Variants in PRIM1 observed in about 807,000 individuals in gnomAD.
PRIM1 encodes DNA primase subunit 1, also known as DNA primase small subunit.
Under a neutral mutation model 60.2 loss-of-function variants are expected in PRIM1, and 38 were observed. That is an observed-to-expected ratio of 0.63 (90% CI 0.49 to 0.83). The LOEUF (loss-of-function observed/expected upper bound fraction) is 0.83, where lower values mean the gene tolerates loss of function less well. Ranked by LOEUF, PRIM1 falls within the 40% of genes least tolerant of loss-of-function variation. The pLI, the probability that PRIM1 is intolerant of heterozygous loss-of-function variation, is 0.00. For synonymous variants in PRIM1, 158 were observed against 160.2 expected (o/e 0.99, Z 0.10); for missense variants, 388 against 506.2 (o/e 0.77, Z 2.24).
At chr12:56,746,615 A>AG (rs961145536) in intron 4 of PRIM1, among the ~76,000 whole-genome samples, 166 bp downstream of exon 4, 13 of 147,580 alleles carry the variant, frequency 8.8e-5, no homozygotes, top group African/African-American at 3.3e-4. Flanking sequence ...TGGCTGACAG[A>AG]GTGAGACTCG....
intron 12 of PRIM1, 61 bp downstream of exon 12, chr12:56,734,086 T>C (rs1028958789): frequency 4.7e-5 from 55 of 1,181,266 alleles, no homozygotes; most frequent in Middle Eastern, 2.1e-4. Flanking sequence ...AACTCAAAAA[T>C]TGCTCATTTC....
rs1953786527 is a variant in PRIM1, at chr12:56,731,661, T to C, written c.*54A>G. 2 of 1,446,084 alleles carry C rather than the reference T, an allele frequency of 1.4e-6. No homozygotes were observed. Among genetic ancestry groups the C allele is most frequent in the Middle Eastern group, 2.3e-4 (1 of 4,408 alleles). The allele number at this position is 1,446,084 out of a possible 1,614,324, so 89.6% of individuals were successfully genotyped here. A position where few individuals can be genotyped will look rare whatever the true frequency, so the allele number is the denominator to read the frequency against. On this transcript the variant is annotated 3_prime_UTR_variant, in exon 13 of 13. Coordinates refer to ENST00000338193, the MANE Select transcript of PRIM1 (RefSeq NM_000946.3). The stretch of plus-strand genomic sequence containing the variant: ...ATTTATTAAATGGCTCTTGAAGTAT[T>C]TGATCTGTGGTTGAAGGCAGAAGAT...
At chr12:56,736,338 T>TTTTA (rs1953830679) in intron 11 of PRIM1, among the ~76,000 whole-genome samples, 1 of 113,724 alleles carries the variant, frequency 8.8e-6, no homozygotes, top group African/African-American at 3.8e-5. Flanking sequence ...GAATATACAA[T>TTTTA]TTTATTCATC....
chr12:56,748,688 G>A (rs1333689038), intron 2 of PRIM1, among the ~76,000 whole-genome samples: 4 of 151,588 alleles, frequency 2.6e-5, no homozygotes, highest in Admixed American at 2.0e-4. Flanking sequence ...GGGTGTGGTA[G>A]CTCATGCTTG....
chr12:56,732,643 A>G (rs1953792208), intron 12 of PRIM1, among the ~76,000 whole-genome samples: 1 of 152,004 alleles, frequency 6.6e-6, no homozygotes, highest in Non-Finnish European at 1.5e-5. Flanking sequence ...ATAGCCCATC[A>G]CTTCTGGACA....
intron 4 of PRIM1, among the ~76,000 whole-genome samples, chr12:56,746,579 C>T (rs557731701): frequency 7.4e-5 from 11 of 149,298 alleles, no homozygotes; most frequent in South Asian, 6.4e-4. Flanking sequence ...TGCAGTGAGC[C>T]GACATTGTAC....
At chr12:56,745,102 G>A (rs1953897317) in intron 5 of PRIM1, among the ~76,000 whole-genome samples, 1 of 140,042 alleles carries the variant, frequency 7.1e-6, no homozygotes, top group Non-Finnish European at 1.5e-5. Context: ...GCAAGACTCC[G>A]TCTCAAAAAA....
At chr12:56,742,320 A>G (rs1285025482) in intron 7 of PRIM1, among the ~76,000 whole-genome samples, 2 of 152,102 alleles carry the variant, frequency 1.3e-5, no homozygotes, top group Non-Finnish European at 2.9e-5. Context: ...ACAGTGGCTC[A>G]TGCCTGTATT....
chr12:56,748,485 G>A (rs1953923739), intron 2 of PRIM1, among the ~76,000 whole-genome samples: 2 of 151,488 alleles, frequency 1.3e-5, no homozygotes, highest in Admixed American at 6.6e-5. Flanking sequence ...AAATTAGCCA[G>A]GCGTGGTGGC....
intron 11 of PRIM1, among the ~76,000 whole-genome samples, chr12:56,738,024 C>T (rs1261210111): frequency 6.6e-6 from 1 of 152,228 alleles, no homozygotes; most frequent in Non-Finnish European, 1.5e-5. Flanking sequence ...TGCGCCCAGC[C>T]AGCTTCTTCA....
chr12:56,738,554 T>C (rs1367315508), intron 10 of PRIM1, 29 bp from the exon 11 acceptor site: 1 of 1,545,026 alleles, frequency 6.5e-7, no homozygotes, highest in Non-Finnish European at 8.7e-7. Context: ...GAGAATTTTG[T>C]TTTTGTTTTT....
intron 2 of PRIM1, among the ~76,000 whole-genome samples, chr12:56,747,488 G>A (rs1173646152): frequency 6.6e-6 from 1 of 152,342 alleles, no homozygotes; most frequent in East Asian, 1.9e-4. Flanking sequence ...GCTCATGCCT[G>A]TAATCCCAGC....
chr12:56,738,370 G>C (rs1296916128), intron 11 of PRIM1, 64 bp downstream of exon 11: 2 of 1,523,030 alleles, frequency 1.3e-6, no homozygotes, highest in Non-Finnish European at 8.8e-7. Flanking sequence ...AATTACTGGA[G>C]TGACAGATGG....
At chr12:56,737,410 C>T (rs1953840804) in intron 11 of PRIM1, among the ~76,000 whole-genome samples, 1 of 150,582 alleles carries the variant, frequency 6.6e-6, no homozygotes. Flanking sequence ...AGTGCAATGG[C>T]GTGATCTTGG....
At chr12:56,732,148 TCTG>T (rs548236387) in intron 12 of PRIM1, among the ~76,000 whole-genome samples, 41 of 152,236 alleles carry the variant, frequency 2.7e-4, no homozygotes, top group Admixed American at 8.5e-4. Context: ...TAATATTCAA[TCTG>T]CTGATTTTTT....
chr12:56,746,595 C>T (rs559370377), intron 4 of PRIM1, among the ~76,000 whole-genome samples, 186 bp downstream of exon 4: 6 of 151,134 alleles, frequency 4.0e-5, no homozygotes, highest in African/African-American at 1.2e-4. Context: ...TGTACCACTG[C>T]ACTCCAGCCT....
intron 12 of PRIM1, among the ~76,000 whole-genome samples, chr12:56,733,587 T>G (rs1953800394): frequency 2.0e-5 from 3 of 151,336 alleles, no homozygotes; most frequent in African/African-American, 4.9e-5. Context: ...TGTATTAAGT[T>G]AGTACTTCTT....
At position 56,750,501 on chromosome 12, in the gene PRIM1, T is replaced by C. The variant is rs1013214439; in HGVS notation, c.261+537A>G. 5.3e-5 allele frequency among the ~76,000 whole-genome samples: 8 copies of C among 152,136 alleles called. No individual in the cohort carries two copies. The East Asian group carries it at 1.2e-3, about 22-fold the overall frequency. On this transcript the variant is annotated intron_variant, in intron 2 of 12. Transcript: ENST00000338193. ...CGTGGTAAAGATAATAAGTTTTATA[T>C]GTATATTTGACCTCAATAAAAATAA...
intron 4 of PRIM1, 98 bp from the exon 5 acceptor site, chr12:56,746,279 T>C: frequency 7.4e-7 from 1 of 1,357,744 alleles, no homozygotes; most frequent in African/African-American, 1.4e-5. Context: ...CCCCATGTTC[T>C]TGCTTCATCT....
Sources: allele counts gnomAD v4.1 joint callset (sites outside exome capture counted in the v4.1 genomes callset), GRCh38; gene constraint gnomAD v4.1.1; transcripts MANE v1.5; gene names NCBI Gene and HGNC (gene_info 2026-07-23, HGNC 2026-07-21).